The following FYB1 variants were observed in gnomAD, a reference collection of about 807,000 sequenced individuals.
FYB1 encodes FYN binding protein 1, also known as FYN-binding protein 1.
Under a neutral mutation model 94.1 loss-of-function variants are expected in FYB1, and 41 were observed. The ratio of observed to expected loss-of-function variants is 0.44; its 90% CI spans 0.34 to 0.57. The LOEUF is 0.57. Ranked by LOEUF, FYB1 falls within the 20% of genes least tolerant of loss-of-function variation. The pLI is 0.02. For missense variants in FYB1, 1,050 were observed against 976.8 expected (o/e 1.07, Z -1.00); for synonymous variants, 367 against 353.2 (o/e 1.04, Z -0.44).
chr5:39,268,737 G>C (rs1277173682), intron 1 of FYB1, among the ~76,000 whole-genome samples: 3 of 151,790 alleles, frequency 2.0e-5, no homozygotes, highest in Non-Finnish European at 2.9e-5. Context: ...AGCTAATTTT[G>C]TGTTTTTAGT....
chr5:39,122,303 A>G, intron 14 of FYB1, 33 bp downstream of exon 14: 4 of 1,367,942 alleles, frequency 2.9e-6, no homozygotes, highest in Non-Finnish European at 3.1e-6. Context: ...TCTCATTTTC[A>G]TTACTTCATT....
chr5:39,261,750 A>G (rs539861282), intron 1 of FYB1, among the ~76,000 whole-genome samples: 3 of 151,852 alleles, frequency 2.0e-5, no homozygotes, highest in South Asian at 2.1e-4. Flanking sequence ...CTGTCTCAAA[A>G]AAAAGAAAAG....
intron 1 of FYB1, among the ~76,000 whole-genome samples, chr5:39,235,003 C>G (rs1397957677): frequency 1.3e-5 from 2 of 151,622 alleles, no homozygotes; most frequent in Non-Finnish European, 2.9e-5. Flanking sequence ...ACGTGTATAC[C>G]TATGTAACAA....
intron 2 of FYB1, among the ~76,000 whole-genome samples, chr5:39,188,640 G>T (rs892718800): frequency 6.6e-6 from 1 of 151,396 alleles, no homozygotes; most frequent in Non-Finnish European, 1.5e-5. Flanking sequence ...CGCCTCCGGG[G>T]TTCAAGTGAC....
chr5:39,108,826 T>C (rs1451630306), intron 17 of FYB1, among the ~76,000 whole-genome samples: 1 of 152,108 alleles, frequency 6.6e-6, no homozygotes, highest in Non-Finnish European at 1.5e-5. Flanking sequence ...CTTATGATTA[T>C]AGGCAGCATC....
intron 17 of FYB1, 69 bp from the exon 18 acceptor site, chr5:39,108,331 G>T: frequency 7.7e-7 from 1 of 1,306,314 alleles, no homozygotes; most frequent in East Asian, 2.6e-5. Context: ...ATATATAGAA[G>T]AATAGAGTAA....
chr5:39,229,999 G>A (rs1369663216), intron 1 of FYB1, among the ~76,000 whole-genome samples: 1 of 151,970 alleles, frequency 6.6e-6, no homozygotes, highest in African/African-American at 2.4e-5. Flanking sequence ...ATCAAGATCG[G>A]GAATCTCTGA....
chr5:39,130,255 A>T (rs1741072439), intron 10 of FYB1, among the ~76,000 whole-genome samples: 3 of 151,998 alleles, frequency 2.0e-5, no homozygotes, highest in Admixed American at 2.0e-4. Context: ...GCTGAGAGGG[A>T]TGTAAGAATG....
chr5:39,224,328 A>G (rs1750385642), upstream of FYB1, among the ~76,000 whole-genome samples: 1 of 152,058 alleles, frequency 6.6e-6, no homozygotes, highest in Admixed American at 6.6e-5. Flanking sequence ...TTCCCTTACT[A>G]CAGGGATTAA....
At chr5:39,114,650 C>T (rs1386192420) in intron 16 of FYB1, among the ~76,000 whole-genome samples, 1 of 152,176 alleles carries the variant, frequency 6.6e-6, no homozygotes, top group Non-Finnish European at 1.5e-5. Context: ...ATATAACAAG[C>T]TAACTACATC....
chr5:39,242,917 T>C (rs1179229540), intron 1 of FYB1, among the ~76,000 whole-genome samples: 2 of 152,248 alleles, frequency 1.3e-5, no homozygotes, highest in African/African-American at 4.8e-5. Flanking sequence ...TTCATGTGTC[T>C]GTTGGCTGCA....
intron 2 of FYB1, chr5:39,169,276 G>C: frequency 9.5e-7 from 1 of 1,048,410 alleles, no homozygotes; most frequent in Non-Finnish European, 1.5e-6. Context: ...ATGACCCAGA[G>C]GTGAAGCCAA....
intron 2 of FYB1, among the ~76,000 whole-genome samples, chr5:39,190,768 T>TTGTGTGTGCG (rs1747278886): frequency 6.8e-6 from 1 of 146,454 alleles, no homozygotes; most frequent in African/African-American, 2.5e-5. Context: ...CCATGCTTAT[T>TTGTGTGTGCG]TGTGTGTGTG....
At chr5:39,248,388 A>G (rs1474150495) in intron 1 of FYB1, among the ~76,000 whole-genome samples, 2 of 152,018 alleles carry the variant, frequency 1.3e-5, no homozygotes, top group Admixed American at 1.3e-4. Context: ...AGGTGGGGAG[A>G]GGCAGGGCTT....
chr5:39,200,894 T>A (rs1748250719), intron 2 of FYB1, among the ~76,000 whole-genome samples: 1 of 152,194 alleles, frequency 6.6e-6, no homozygotes. Flanking sequence ...CAGTTGCACA[T>A]CATTTACCTA....
chr5:39,161,807 C>A (rs1744270840), intron 2 of FYB1, among the ~76,000 whole-genome samples: 1 of 152,138 alleles, frequency 6.6e-6, no homozygotes, highest in Admixed American at 6.5e-5. Flanking sequence ...TACACATCAC[C>A]TCAAAAATAA....
At position 39,119,584 on chromosome 5, in the gene FYB1, T is replaced by A; in HGVS notation, c.2189A>T (p.Lys730Met). ...TTCTTCTTTTTCCTGCTTTTTTAGCTTCTTAAGGTCCTTTTCTTCTGTCTT... is the reference window on the plus strand; with the variant it reads ...TTCTTCTTTTTCCTGCTTTTTTAGCATCTTAAGGTCCTTTTCTTCTGTCTT... ...KAKTEEKDLKKLKKQEKEEKD... is the reference protein window; with the variant it reads ...KAKTEEKDLKMLKKQEKEEKD... Residue 730 changes from lysine to methionine, a missense_variant, in exon 15 of 19, where the codon AAG becomes ATG. Lys to Met is a moderately conservative substitution (Grantham distance 95). Transcript: ENST00000512982. 1 of 1,551,280 alleles carries A rather than the reference T, an allele frequency of 6.4e-7. No individual in the cohort carries two copies. The highest frequency in any genetic ancestry group is 1.4e-5 in the African/African-American group (1 of 73,372).
chr5:39,226,377 T>C (rs1481642416), intron 1 of FYB1, among the ~76,000 whole-genome samples: 1 of 143,228 alleles, frequency 7.0e-6, no homozygotes, highest in Non-Finnish European at 1.5e-5. Flanking sequence ...GCTTAAGCCT[T>C]TCACTAGCTT....
intron 2 of FYB1, among the ~76,000 whole-genome samples, chr5:39,182,974 A>G (rs185896290): frequency 3.1e-4 from 47 of 152,326 alleles, no homozygotes; most frequent in Non-Finnish European, 6.3e-4. Flanking sequence ...CTAAGTTGAC[A>G]AAGTTTGTCT....
Sources: gnomAD v4.1 joint callset for allele counts (sites outside exome capture counted in the v4.1 genomes callset) on GRCh38, gnomAD v4.1.1 for gene constraint, MANE v1.5 for transcripts, NCBI Gene and HGNC (gene_info 2026-07-23, HGNC 2026-07-21) for gene names.